The following ELAPOR2 variants were observed in gnomAD, a reference collection of about 807,000 sequenced individuals.
ELAPOR2 encodes endosome-lysosome associated apoptosis and autophagy regulator family member 2.
Under a neutral mutation model 120.7 loss-of-function variants are expected in ELAPOR2, and 89 were observed. The observed-to-expected ratio is 0.74, with a 90% CI of 0.62 to 0.88. The LOEUF is 0.88. Ranked by LOEUF, ELAPOR2 falls within the 40% of genes least tolerant of loss-of-function variation. The pLI, the probability that ELAPOR2 is intolerant of heterozygous loss-of-function variation, is 0.00. For missense variants in ELAPOR2, 1,134 were observed against 1,251.6 expected (o/e 0.91, Z 1.42); for synonymous variants, 444 against 444.9 (o/e 1.00, Z 0.03).
intron 1 of ELAPOR2, among the ~76,000 whole-genome samples, chr7:87,022,027 C>G (rs1794057880): frequency 6.6e-6 from 1 of 152,066 alleles, no homozygotes; most frequent in South Asian, 2.1e-4. Context: ...AATAAGGCCT[C>G]AGCAGTTGAC....
At chr7:87,000,869 G>A (rs1793294220) in intron 1 of ELAPOR2, among the ~76,000 whole-genome samples, 1 of 152,128 alleles carries the variant, frequency 6.6e-6, no homozygotes, top group Admixed American at 6.6e-5. Flanking sequence ...AGAACAGAAT[G>A]AGACATTTAA....
chr7:87,056,601 C>G (rs76261388), intron 1 of ELAPOR2, among the ~76,000 whole-genome samples: 2,288 of 152,300 alleles, frequency 0.015, 60 homozygotes, highest in African/African-American at 0.051. Context: ...TTTTCTCCCC[C>G]TTTCGACTTC....
chr7:86,927,252 T>C (rs1790117938), intron 8 of ELAPOR2, among the ~76,000 whole-genome samples: 1 of 152,030 alleles, frequency 6.6e-6, no homozygotes, highest in South Asian at 2.1e-4. Context: ...TGACATAAGT[T>C]TCTACGCAGC....
At chr7:86,968,940 AAAT>A in intron 1 of ELAPOR2, among the ~76,000 whole-genome samples, 1 of 152,194 alleles carries the variant, frequency 6.6e-6, no homozygotes, top group South Asian at 2.1e-4. Context: ...ACACTGCCCC[AAAT>A]AATAAAACAA....
chr7:86,985,819 GC>G (rs1792708825), intron 1 of ELAPOR2, among the ~76,000 whole-genome samples: 1 of 141,208 alleles, frequency 7.1e-6, no homozygotes. Context: ...CCTCCCCCCT[GC>G]CCCCACCCCA....
At chr7:86,887,659 T>A (rs1799754816) in intron 21 of ELAPOR2, among the ~76,000 whole-genome samples, 1 of 152,116 alleles carries the variant, frequency 6.6e-6, no homozygotes, top group Non-Finnish European at 1.5e-5. Flanking sequence ...TCAGCGGACC[T>A]TCTACATTTC....
chr7:86,993,234 C>CAAAAAAAAAAAAA (rs1159917841), intron 1 of ELAPOR2, among the ~76,000 whole-genome samples: 5 of 57,122 alleles, frequency 8.8e-5, no homozygotes, highest in African/African-American at 2.9e-4. Context: ...GACTCCATCT[C>CAAAAAAAAAAAAA]AAAAAAAAAA....
At chr7:86,930,550 C>T (rs993017499) in intron 8 of ELAPOR2, among the ~76,000 whole-genome samples, 2 of 151,912 alleles carry the variant, frequency 1.3e-5, no homozygotes, top group African/African-American at 4.8e-5. Context: ...ATTTGCAACA[C>T]TGAAGGTCAT....
chr7:86,900,984 C>T (rs1290675029), intron 18 of ELAPOR2, among the ~76,000 whole-genome samples: 1 of 152,172 alleles, frequency 6.6e-6, no homozygotes, highest in African/African-American at 2.4e-5. Flanking sequence ...AGCCACCTCC[C>T]CCAGCTTTTT....
intron 8 of ELAPOR2, among the ~76,000 whole-genome samples, chr7:86,929,296 A>G (rs1790218703): frequency 1.3e-5 from 2 of 151,952 alleles, no homozygotes. Flanking sequence ...TCACAAATGC[A>G]CTAAGTCTTT....
At chr7:87,027,515 T>C (rs929792845) in intron 1 of ELAPOR2, among the ~76,000 whole-genome samples, 4 of 152,194 alleles carry the variant, frequency 2.6e-5, no homozygotes, top group African/African-American at 9.7e-5. Flanking sequence ...TCCTAACTCC[T>C]AGTACCTCTG....
chr7:86,884,928 G>A (rs1799615347), intron 21 of ELAPOR2, among the ~76,000 whole-genome samples: 1 of 152,160 alleles, frequency 6.6e-6, no homozygotes, highest in South Asian at 2.1e-4. Flanking sequence ...ATTTTGAAGT[G>A]GGTCCTGACT....
chr7:87,011,499 T>C (rs1288580940), intron 1 of ELAPOR2, among the ~76,000 whole-genome samples: 1 of 152,220 alleles, frequency 6.6e-6, no homozygotes, highest in Non-Finnish European at 1.5e-5. Flanking sequence ...ACTTGAGTAA[T>C]AATTGCAGAT....
intron 9 of ELAPOR2, among the ~76,000 whole-genome samples, chr7:86,925,858 C>T (rs1255906050): frequency 6.6e-6 from 1 of 151,946 alleles, no homozygotes; most frequent in Non-Finnish European, 1.5e-5. Flanking sequence ...ATTATACATA[C>T]ATACATATAC....
intron 4 of ELAPOR2, among the ~76,000 whole-genome samples, chr7:86,942,348 T>C (rs147338080): frequency 6.6e-6 from 1 of 152,100 alleles, no homozygotes; most frequent in East Asian, 1.9e-4. Context: ...GAGAGAGGAA[T>C]GTGGGAGAAC....
chr7:86,995,332 T>G (rs1261745840), intron 1 of ELAPOR2, among the ~76,000 whole-genome samples: 2 of 152,290 alleles, frequency 1.3e-5, no homozygotes, highest in African/African-American at 4.8e-5. Flanking sequence ...AATACATAAA[T>G]GAATAAGAGT....
intron 1 of ELAPOR2, among the ~76,000 whole-genome samples, chr7:87,057,697 C>A (rs897056906): frequency 1.3e-5 from 2 of 152,138 alleles, no homozygotes; most frequent in African/African-American, 4.8e-5. Context: ...GCAGACTCTT[C>A]TTTCTAGGTA....
At chr7:87,058,300 G>T (rs75417254) in intron 1 of ELAPOR2, among the ~76,000 whole-genome samples, 1,860 of 152,266 alleles carry the variant, frequency 0.012, 42 homozygotes, top group African/African-American at 0.041. Context: ...TCCCAGAGGG[G>T]CTATTGGCTA....
intron 1 of ELAPOR2, among the ~76,000 whole-genome samples, chr7:87,043,161 C>G (rs1046623085): frequency 9.9e-5 from 15 of 151,782 alleles, no homozygotes; most frequent in African/African-American, 3.2e-4. Context: ...GATGGATTCA[C>G]AGCCGAATTC....
Sources: gnomAD v4.1 joint callset for allele counts (sites outside exome capture counted in the v4.1 genomes callset) on GRCh38, gnomAD v4.1.1 for gene constraint, MANE v1.5 for transcripts, NCBI Gene and HGNC (gene_info 2026-07-23, HGNC 2026-07-21) for gene names.